ZKSCAN7: variants seen among roughly 807,000 people sequenced by gnomAD.
The protein encoded by ZKSCAN7 is zinc finger with KRAB and SCAN domains 7, also known as zinc finger protein with KRAB and SCAN domains 7.
A neutral mutation model predicts 65.3 loss-of-function variants in ZKSCAN7; 38 were observed. That is an observed-to-expected ratio of 0.58 (90% CI 0.45 to 0.76). ZKSCAN7 has a LOEUF of 0.76. ZKSCAN7 is among the 30% of genes least tolerant of loss of function. The probability of loss-of-function intolerance (pLI) is 0.00; values close to 1 mark genes in which losing one functional copy is unlikely to be tolerated. For synonymous variants in ZKSCAN7, 321 were observed against 321.0 expected (o/e 1.00, Z 0.00); for missense variants, 815 against 913.3 (o/e 0.89, Z 1.39).
chr3:44,572,485 G>A (rs1428356858), downstream of ZKSCAN7, among the ~76,000 whole-genome samples: 1 of 151,370 alleles, frequency 6.6e-6, no homozygotes, highest in Admixed American at 6.6e-5. Context: ...CCACTGGTAC[G>A]GACTTTCCCC....
chr3:44,560,083 G>C (rs1699422163), intron 2 of ZKSCAN7, among the ~76,000 whole-genome samples: 1 of 152,160 alleles, frequency 6.6e-6, no homozygotes, highest in Admixed American at 6.5e-5. Flanking sequence ...CCTCAGAAAA[G>C]GGTGACTGTT....
intron 5 of ZKSCAN7, chr3:44,578,110 T>C: frequency 1.3e-6 from 2 of 1,554,336 alleles, no homozygotes; most frequent in Non-Finnish European, 8.9e-7. Context: ...TCAGGGGACT[T>C]TTCCCCCAGT....
In ZKSCAN7 at chr3:44,564,832, G is replaced by A. The variant is rs373982424; in HGVS notation, c.424-655G>A. Among the ~76,000 whole-genome samples, 978 of 151,550 alleles carry A rather than the reference G, an allele frequency of 6.5e-3. 13 individuals carry two copies. Among genetic ancestry groups the A allele is most frequent in the African/African-American group, 0.022 (926 of 41,272 alleles). ...TTGTTTTTTTTTGAGACGGAGTCTC[G>A]CTCTGTCACCCAGGCTAGAGTGCAG... On this transcript the variant is annotated intron_variant, in intron 2 of 5. Transcript: ENST00000426540.
rs986172047 is a variant in ZKSCAN7, at chr3:44,557,714, T to G, written c.423+244T>G. ...CTGAGCCTAGCTTCATCCTGGAGAT[T>G]CGCATGGTACTCCTGGCAGGCGGGG... On this transcript the variant is annotated intron_variant, in intron 2 of 5. Transcript: ENST00000426540. 33 of 565,752 alleles carry G rather than the reference T, an allele frequency of 5.8e-5. No individual in the cohort carries two copies. The African/African-American group carries it at 6.0e-4, about 10-fold the overall frequency. 35.0% of individuals were successfully genotyped at this position (565,752 alleles called of 1,614,324 possible). A position where few individuals can be genotyped will look rare whatever the true frequency, so the allele number is the denominator to read the frequency against.
chr3:44,568,103 C>A (rs987798984), intron 4 of ZKSCAN7, 100 bp downstream of exon 4: 2 of 1,478,986 alleles, frequency 1.4e-6, no homozygotes, highest in Admixed American at 4.0e-5. Flanking sequence ...TAAGACTATT[C>A]CTGTGGCTCT....
At chr3:44,564,014 C>A (rs1037923903) in intron 2 of ZKSCAN7, among the ~76,000 whole-genome samples, 1 of 152,180 alleles carries the variant, frequency 6.6e-6, no homozygotes, top group African/African-American at 2.4e-5. Flanking sequence ...AACATCTCAG[C>A]AGATGCAGCC....
chr3:44,556,895 C>T (rs756327629), intron 1 of ZKSCAN7, 35 bp from the exon 2 acceptor site: 1 of 1,036,538 alleles, frequency 9.6e-7, no homozygotes, highest in Non-Finnish European at 1.5e-6. Context: ...GGGCTGAATA[C>T]TCCAAGAACT....
chr3:44,565,756 A>C, intron 3 of ZKSCAN7, 101 bp downstream of exon 3: 2 of 1,223,036 alleles, frequency 1.6e-6, no homozygotes, highest in Non-Finnish European at 2.2e-6. Context: ...GGAATCCCTC[A>C]TTGCTCTGCT....
chr3:44,582,987 C>T (rs1043988009), exon 6 of ZKSCAN7: 4 of 447,024 alleles, frequency 8.9e-6, no homozygotes, highest in Admixed American at 2.4e-5. Flanking sequence ...AGTACAATGG[C>T]GTGATCTTGG....
chr3:44,577,104 C>T (rs143288599), downstream of ZKSCAN7, among the ~76,000 whole-genome samples: 1 of 152,078 alleles, frequency 6.6e-6, no homozygotes, highest in East Asian at 1.9e-4. Context: ...GTTAGGACTA[C>T]AGGCGCATGT....
At chr3:44,568,490 A>G in intron 5 of ZKSCAN7, 57 bp downstream of exon 5, 1 of 1,573,192 alleles carries the variant, frequency 6.4e-7, no homozygotes, top group Non-Finnish European at 8.6e-7. Context: ...TCTCTTTTCT[A>G]TATTCCTTGT....
downstream of ZKSCAN7, chr3:44,572,204 C>G: frequency 1.0e-6 from 1 of 985,422 alleles, no homozygotes; most frequent in Non-Finnish European, 1.2e-6. Context: ...TCTTTCTCCC[C>G]TCCCCAGCTG....
At chr3:44,563,662 C>T (rs970202018) in intron 2 of ZKSCAN7, among the ~76,000 whole-genome samples, 1 of 152,042 alleles carries the variant, frequency 6.6e-6, no homozygotes, top group African/African-American at 2.4e-5. Flanking sequence ...TACCCCCACC[C>T]CCCGTGATCC....
Position 44,570,015 on chromosome 3 carries a change from T to C in ZKSCAN7, c.905T>C (p.Phe302Ser), listed in dbSNP as rs377242868. The part of the protein sequence containing the change: ...ESSNRTSGGL[F>S]GVVPGAAETG... ...TCTAACAGGACATCAGGGGGACTCT[T>C]TGGGGTGGTTCCTGGGGCAGCAGAG... The change falls in exon 6 of 6, where the codon TTT (phenylalanine) becomes TCT (serine). Residue 302 changes from phenylalanine (F) to serine (S), a missense_variant. Physicochemically the swap from Phe to Ser is radical, Grantham distance 155 (BLOSUM62 -2). This residue lies in a region of ZKSCAN7 where 578 missense variants were observed against 629.5 expected (regional missense o/e 0.92). Coordinates refer to ENST00000426540, the MANE Select transcript of ZKSCAN7 (RefSeq NM_001288590.2). 1 of 1,613,312 alleles carries C rather than the reference T, an allele frequency of 6.2e-7. No homozygotes were observed. Among genetic ancestry groups the C allele is most frequent in the East Asian group, 2.2e-5 (1 of 44,870 alleles).
intron 3 of ZKSCAN7, 79 bp downstream of exon 3, chr3:44,565,734 C>T: frequency 7.3e-7 from 1 of 1,363,272 alleles, no homozygotes; most frequent in Non-Finnish European, 9.7e-7. Context: ...ATCTGCCCAT[C>T]TCCTACTCCA....
chr3:44,570,674 C>T lies in ZKSCAN7; in HGVS notation c.1564C>T (p.Pro522Ser), dbSNP rs750576727. 2.5e-6 allele frequency: 4 copies of T among 1,613,996 alleles called. No homozygotes were observed. The highest frequency in any genetic ancestry group is 1.1e-5 in the South Asian group (1 of 91,082). ...RHQVLHTGKK[P>S]YKCNECGRAF... is the part of the protein sequence containing the mutation. ...TCAGGTCCTGCACACTGGTAAGAAA[C>T]CTTACAAATGCAATGAGTGTGGGAG... The change falls in exon 6 of 6, where the codon CCT (proline) becomes TCT (serine). Residue 522 changes from proline (P) to serine (S), a missense_variant. Physicochemically the swap from Pro to Ser is moderately conservative, Grantham distance 74 (BLOSUM62 -1). Transcript: ENST00000426540.
chr3:44,570,653 G>T lies in ZKSCAN7; in HGVS notation c.1543G>T (p.Val515Phe), dbSNP rs775389398. 2 of 1,613,670 alleles carry T rather than the reference G, an allele frequency of 1.2e-6. No individual in the cohort carries two copies. Among genetic ancestry groups the T allele is most frequent in the South Asian group, 1.1e-5 (1 of 91,082 alleles). The change falls in exon 6 of 6, where the codon GTC (valine) becomes TTC (phenylalanine). Residue 515 changes from valine to phenylalanine, a missense_variant. By Grantham distance (50) the Val-to-Phe change is conservative (BLOSUM62 -1). Transcript: ENST00000426540. ...IRSKSLARHQ[V>F]LHTGKKPYKC... Reference sequence around the variant, plus strand: ...AAGCAAAAGTCTTGCTCGACATCAGGTCCTGCACACTGGTAAGAAACCTTA... The same window carrying T: ...AAGCAAAAGTCTTGCTCGACATCAGTTCCTGCACACTGGTAAGAAACCTTA...
Position 44,570,263 on chromosome 3 carries a change from T to C in ZKSCAN7, c.1153T>C (p.Cys385Arg). The C allele has an allele frequency of 6.2e-7, 1 of 1,614,234 alleles. No individual in the cohort carries two copies. Residue 385 changes from cysteine to arginine, a missense_variant, in exon 6 of 6, where the codon TGT (cysteine) becomes CGT (arginine). Physicochemically the swap from Cys to Arg is radical, Grantham distance 180 (BLOSUM62 -3). Transcript: ENST00000426540. ...GVLKGQKSYR[C>R]DECGKAFNRS... is the part of the protein sequence containing the mutation. ...TTTAAAGGGACAGAAATCCTATCGATGTGATGAATGTGGCAAAGCTTTCAA... is the reference window on the plus strand; with the variant it reads ...TTTAAAGGGACAGAAATCCTATCGACGTGATGAATGTGGCAAAGCTTTCAA...
chr3:44,560,845 CA>C (rs1235223983), intron 2 of ZKSCAN7, among the ~76,000 whole-genome samples: 1 of 152,154 alleles, frequency 6.6e-6, no homozygotes, highest in Non-Finnish European at 1.5e-5. Context: ...GCCAGGGTTA[CA>C]AAACAGGCAG....
Sources: gnomAD v4.1 joint callset for allele counts (sites outside exome capture counted in the v4.1 genomes callset) on GRCh38, gnomAD v4.1.1 for gene constraint, gnomAD v4.1.1 regional missense constraint, MANE v1.5 for transcripts, NCBI Gene and HGNC (gene_info 2026-07-23, HGNC 2026-07-21) for gene names.